The following CDH22 variants were observed in gnomAD, a reference collection of about 807,000 sequenced individuals.
The protein encoded by CDH22 is cadherin-22.
In CDH22, 30 loss-of-function variants were observed where a neutral mutation model predicts 58.4. That is an observed-to-expected ratio of 0.51 (90% CI 0.38 to 0.70). The LOEUF (loss-of-function observed/expected upper bound fraction) is 0.70. Among genes scored for constraint, CDH22 ranks in the 30% least tolerant of loss-of-function variants. The pLI is 0.00. For synonymous variants in CDH22, 513 were observed against 558.2 expected, an observed-to-expected ratio of 0.92 and a Z score of 1.14; for missense variants, 1,014 against 1,233.9, an observed-to-expected ratio of 0.82 and a Z score of 2.67.
intron 7 of CDH22, among the ~76,000 whole-genome samples, chr20:46,208,261 C>G (rs1360734698): frequency 6.6e-6 from 1 of 152,206 alleles, no homozygotes; most frequent in African/African-American, 2.4e-5. Context: ...CCTTTCTTCC[C>G]TCTTCTATCT....
intron 11 of CDH22, 32 bp from the exon 12 acceptor site, chr20:46,175,109 C>T: frequency 6.4e-7 from 1 of 1,562,104 alleles, no homozygotes; most frequent in Non-Finnish European, 8.6e-7. Flanking sequence ...CAACTGAGGG[C>T]CAAGCCCCTC....
intron 1 of CDH22, among the ~76,000 whole-genome samples, chr20:46,263,511 A>C (rs2086444148): frequency 6.6e-6 from 1 of 152,018 alleles, no homozygotes; most frequent in South Asian, 2.1e-4. Flanking sequence ...ACAATTACCA[A>C]CTGTGCCAAG....
intron 2 of CDH22, among the ~76,000 whole-genome samples, chr20:46,249,532 C>T (rs545032832): frequency 6.6e-6 from 1 of 152,296 alleles, no homozygotes; most frequent in Admixed American, 6.5e-5. Context: ...TCTGAGCTTC[C>T]TGCAAGGCAA....
chr20:46,232,752 C>T (rs887464792), intron 3 of CDH22, among the ~76,000 whole-genome samples: 1 of 152,218 alleles, frequency 6.6e-6, no homozygotes, highest in African/African-American at 2.4e-5. Flanking sequence ...CTCTCAACAT[C>T]CACCCCTGCT....
At chr20:46,178,549 G>A (rs529875786) in intron 10 of CDH22, among the ~76,000 whole-genome samples, 44 of 145,886 alleles carry the variant, frequency 3.0e-4, no homozygotes, top group Non-Finnish European at 5.1e-4. Context: ...CCCAGATTCC[G>A]TCCCCAGCTA....
At chr20:46,240,854 G>A (rs1424348831) in intron 3 of CDH22, 109 bp downstream of exon 3, 20 of 1,013,838 alleles carry the variant, frequency 2.0e-5, no homozygotes, top group Non-Finnish European at 2.9e-5. Flanking sequence ...AGGTCAGCAG[G>A]CTCTGTCTTT....
At chr20:46,187,091 G>T in intron 8 of CDH22, 144 bp from the exon 9 acceptor site, 4 of 724,120 alleles carry the variant, frequency 5.5e-6, no homozygotes, top group Non-Finnish European at 8.8e-6. Flanking sequence ...GACCAGAACT[G>T]GGAACATTTG....
intron 1 of CDH22, among the ~76,000 whole-genome samples, chr20:46,280,147 C>T (rs967864947): frequency 3.3e-5 from 5 of 152,260 alleles, no homozygotes; most frequent in East Asian, 1.9e-4. Context: ...AGCCCGGGTG[C>T]GGTAGCTCAC....
At chr20:46,227,229 A>G (rs559508315) in intron 4 of CDH22, among the ~76,000 whole-genome samples, 2 of 152,254 alleles carry the variant, frequency 1.3e-5, no homozygotes, top group African/African-American at 4.8e-5. Context: ...CTTTTAGGGC[A>G]CCCACAGCGG....
intron 1 of CDH22, among the ~76,000 whole-genome samples, chr20:46,281,314 A>G (rs1169209811): frequency 6.6e-6 from 1 of 152,196 alleles, no homozygotes; most frequent in African/African-American, 2.4e-5. Context: ...ATCCCTTCTA[A>G]TCCTGTGAGA....
chr20:46,234,557 C>T (rs553207846), intron 3 of CDH22, among the ~76,000 whole-genome samples: 79 of 152,238 alleles, frequency 5.2e-4, no homozygotes, highest in African/African-American at 1.9e-3. Flanking sequence ...CAGTCTTTTC[C>T]CATCTATTAA....
In CDH22 at chr20:46,227,405, T is replaced by G. The variant is rs895668350; in HGVS notation, c.670+103A>C. ...TGCCCCCTGTGCTGTCCTCAGAGCT[T>G]CTGGGACAGAAGGCTCAGAGCAGAC... On this transcript the variant is annotated intron_variant, in intron 4 of 11. Coordinates refer to ENST00000537909, the MANE Select transcript of CDH22 (RefSeq NM_021248.3). 1.6e-5 allele frequency: 19 copies of G among 1,166,312 alleles called. No homozygotes were observed. In the Admixed American group the frequency reaches 3.7e-4, roughly 23 times the overall value. The allele number at this position is 1,166,312 out of a possible 1,614,324, so 72.2% of individuals were successfully genotyped here.
rs1018631231 is a variant in CDH22 at position 46,251,251 on chromosome 20, G to A, written c.44C>T (p.Ala15Val). The A allele has an allele frequency of 3.7e-5, 54 of 1,469,648 alleles. No homozygotes were observed. Among genetic ancestry groups the A allele is most frequent in the Non-Finnish European group, 4.7e-5 (52 of 1,114,620 alleles). 91.0% of individuals were successfully genotyped at this position (1,469,648 alleles called of 1,614,324 possible). A position where few individuals can be genotyped will look rare whatever the true frequency, so the allele number is the denominator to read the frequency against. ...CAGCAGCAGTAGCGCGGGGGACAGC[G>A]CGACTCCCGCCCGGAGCCCCCTACC... Reference protein sequence around the residue: ...PEGRGLRAGVALSPALLLLLL... With the variant: ...PEGRGLRAGVVLSPALLLLLL... The change falls in exon 2 of 12, where the codon GCG becomes GTG. Residue 15 changes from alanine to valine, a missense_variant. Around this residue, in one of 2 missense-constraint regions of CDH22, gnomAD observed 806 missense variants for 1,038.7 expected, o/e 0.78. Coordinates refer to ENST00000537909, the MANE Select transcript of CDH22 (RefSeq NM_021248.3). The surrounding 1 kb of genome is among the most constrained non-coding windows in gnomAD (Gnocchi z 6.7).
chr20:46,217,847 A>G (rs1018278529), intron 4 of CDH22, among the ~76,000 whole-genome samples: 3 of 152,192 alleles, frequency 2.0e-5, no homozygotes, highest in Non-Finnish European at 2.9e-5. Flanking sequence ...ACACACTAAC[A>G]TATACACACA....
intron 3 of CDH22, among the ~76,000 whole-genome samples, chr20:46,237,898 T>C (rs529948468): frequency 6.6e-6 from 1 of 152,306 alleles, no homozygotes; most frequent in African/African-American, 2.4e-5. Context: ...ACTTGCTATG[T>C]AGGTACTTTC....
chr20:46,188,870 C>T (rs1388296412), intron 8 of CDH22, among the ~76,000 whole-genome samples: 1 of 152,070 alleles, frequency 6.6e-6, no homozygotes, highest in Non-Finnish European at 1.5e-5. Context: ...GAGGAAACCA[C>T]ACCTCACTTC....
At position 46,308,066 on chromosome 20, in the gene CDH22, G is replaced by A. The variant is rs1421364022; in HGVS notation, c.-400+189C>T. Among the ~76,000 whole-genome samples, 4 of 151,460 alleles carry A rather than the reference G, an allele frequency of 2.6e-5. No individual in the cohort carries two copies. Among genetic ancestry groups the A allele is most frequent in the African/African-American group, 9.7e-5 (4 of 41,340 alleles). On this transcript the variant is annotated intron_variant, in intron 1 of 11. Transcript: ENST00000537909. This position sits in a 1 kb window ranked among gnomAD's most constrained non-coding sequence, Gnocchi z 4.3. ...TTTGGACGTGGGAAACTCCCTCCCC[G>A]CCCTCCCGGCCGAGAGGAGGGGGCG...
At chr20:46,222,804 T>G (rs1055555559) in intron 4 of CDH22, among the ~76,000 whole-genome samples, 2 of 152,198 alleles carry the variant, frequency 1.3e-5, no homozygotes, top group South Asian at 2.1e-4. Context: ...AGTTAATTCC[T>G]CCTCTGGCAT....
At chr20:46,261,787 G>C (rs1012907295) in intron 1 of CDH22, among the ~76,000 whole-genome samples, 2 of 152,158 alleles carry the variant, frequency 1.3e-5, no homozygotes, top group Non-Finnish European at 2.9e-5. Context: ...TTTTGGGCCA[G>C]AATAGCTCCC....
Sources: allele counts gnomAD v4.1 joint callset (sites outside exome capture counted in the v4.1 genomes callset), GRCh38; gene constraint gnomAD v4.1.1; regional missense constraint gnomAD v4.1.1; non-coding constraint Gnocchi (gnomAD v3.1); transcripts MANE v1.5; gene names NCBI Gene and HGNC (gene_info 2026-07-23, HGNC 2026-07-21).